NFIA: variants seen among roughly 807,000 people sequenced by gnomAD.
The protein encoded by NFIA is nuclear factor I A.
NFIA carries 8 observed loss-of-function variants against 62.8 expected under a neutral mutation model. The observed-to-expected ratio is 0.13, with a 90% CI of 0.07 to 0.23. The LOEUF (loss-of-function observed/expected upper bound fraction) is 0.23. Among genes scored for constraint, NFIA ranks in the 10% least tolerant of loss-of-function variants. The pLI is 1.00. For synonymous variants in NFIA, 235 were observed against 238.1 expected, an observed-to-expected ratio of 0.99 and a Z score of 0.12; for missense variants, 410 against 642.1, an observed-to-expected ratio of 0.64 and a Z score of 3.91.
At chr1:61,215,665 A>G (rs1231025012) in intron 2 of NFIA, among the ~76,000 whole-genome samples, 2 of 152,244 alleles carry the variant, frequency 1.3e-5, no homozygotes, top group Non-Finnish European at 2.9e-5. Context: ...CTATCAAGCT[A>G]TAATTAAATA....
intron 4 of NFIA, among the ~76,000 whole-genome samples, chr1:61,346,190 A>G (rs1662218462): frequency 6.6e-6 from 1 of 152,230 alleles, no homozygotes; most frequent in Non-Finnish European, 1.5e-5. Flanking sequence ...TCAATTACAA[A>G]TGGAGCAAAA....
At chr1:61,218,720 A>G (rs566746397) in intron 2 of NFIA, among the ~76,000 whole-genome samples, 1 of 152,206 alleles carries the variant, frequency 6.6e-6, no homozygotes, top group Non-Finnish European at 1.5e-5. Flanking sequence ...GAATCATTTC[A>G]GTGGGCGTAT....
chr1:61,415,914 A>G (rs918562831), intron 9 of NFIA, among the ~76,000 whole-genome samples: 2 of 152,136 alleles, frequency 1.3e-5, no homozygotes, highest in South Asian at 2.1e-4. Flanking sequence ...ACAATAAGAG[A>G]CTGGTAATAA....
At chr1:61,275,864 T>A (rs1285567540) in intron 2 of NFIA, among the ~76,000 whole-genome samples, 1 of 152,142 alleles carries the variant, frequency 6.6e-6, no homozygotes, top group African/African-American at 2.4e-5. Context: ...CTGTATTTTT[T>A]AATTGTTTGT....
At chr1:61,095,693 C>A (rs1212687770) in intron 2 of NFIA, among the ~76,000 whole-genome samples, 2 of 152,032 alleles carry the variant, frequency 1.3e-5, no homozygotes, top group African/African-American at 4.8e-5. Flanking sequence ...ATGATTTGTT[C>A]TTTTTTGTTT....
chr1:61,263,647 A>C (rs945802469), intron 2 of NFIA, among the ~76,000 whole-genome samples: 2 of 152,328 alleles, frequency 1.3e-5, no homozygotes, highest in South Asian at 2.1e-4. Context: ...TAACACAGAG[A>C]CACTCCATGT....
chr1:61,175,003 C>T (rs555582258), intron 2 of NFIA, among the ~76,000 whole-genome samples: 122 of 152,110 alleles, frequency 8.0e-4, no homozygotes, highest in African/African-American at 2.9e-3. Context: ...GCCTCCTCCC[C>T]AATGCCAGTG....
At chr1:61,444,563 G>T (rs1244156100) in intron 10 of NFIA, among the ~76,000 whole-genome samples, 1 of 152,140 alleles carries the variant, frequency 6.6e-6, no homozygotes, top group Non-Finnish European at 1.5e-5. Context: ...ACTTGTAAAC[G>T]GTGTTCCTTG....
chr1:61,431,194 C>T (rs1301927131), intron 10 of NFIA, among the ~76,000 whole-genome samples: 3 of 152,048 alleles, frequency 2.0e-5, no homozygotes, highest in Admixed American at 2.0e-4. Flanking sequence ...AATCTGATCC[C>T]TGAAAATGAG....
intron 2 of NFIA, among the ~76,000 whole-genome samples, chr1:61,153,147 G>A (rs888192889): frequency 6.6e-6 from 1 of 152,202 alleles, no homozygotes; most frequent in African/African-American, 2.4e-5. Flanking sequence ...TCTGTTTTTG[G>A]TGGGTTGAAT....
chr1:61,089,326 GAA>G (rs1646275784), intron 2 of NFIA, among the ~76,000 whole-genome samples: 1 of 152,150 alleles, frequency 6.6e-6, no homozygotes, highest in African/African-American at 2.4e-5. Flanking sequence ...TGAACACATT[GAA>G]AAATTGCTAT....
chr1:61,206,326 A>G (rs960107625), intron 2 of NFIA, among the ~76,000 whole-genome samples: 2 of 152,156 alleles, frequency 1.3e-5, no homozygotes, highest in African/African-American at 4.8e-5. Flanking sequence ...ATCTTGTCAG[A>G]TTGGATGCAG....
intron 2 of NFIA, among the ~76,000 whole-genome samples, chr1:61,140,557 T>C (rs1647430232): frequency 6.6e-6 from 1 of 152,100 alleles, no homozygotes; most frequent in Non-Finnish European, 1.5e-5. Flanking sequence ...CTTTACATAT[T>C]TTCTGTAGGG....
In NFIA at chr1:61,082,815, C is replaced by T; in HGVS notation, c.24C>T (p.Thr8=). 1 of 1,550,234 alleles carries T rather than the reference C, an allele frequency of 6.5e-7. No individual in the cohort carries two copies. The highest frequency in any genetic ancestry group is 1.2e-5 in the South Asian group (1 of 83,992). Residue 8 remains threonine, a synonymous_variant, in exon 1 of 11, where the codon ACC becomes ACT. Transcript: ENST00000403491. The stretch of plus-strand genomic sequence containing the variant: ...TTATGTATTCTCCGCTCTGTCTCAC[C>T]CAGGTAAGCCGCGGCGTGGATGCGG... MYSPLCL[T]QDEFHPFIEA...
chr1:61,273,629 T>C (rs959398129), intron 2 of NFIA, among the ~76,000 whole-genome samples: 10 of 152,204 alleles, frequency 6.6e-5, no homozygotes, highest in African/African-American at 2.4e-4. Flanking sequence ...TTGAACTCCT[T>C]GGCTGGGCCA....
At chr1:61,416,122 A>T (rs1030080947) in intron 9 of NFIA, among the ~76,000 whole-genome samples, 1 of 152,152 alleles carries the variant, frequency 6.6e-6, no homozygotes, top group Non-Finnish European at 1.5e-5. Flanking sequence ...ATGTGGAAGG[A>T]TAGAAACTAA....
At chr1:61,150,051 T>C (rs542023479) in intron 2 of NFIA, among the ~76,000 whole-genome samples, 37 of 152,308 alleles carry the variant, frequency 2.4e-4, no homozygotes, top group African/African-American at 8.2e-4. Flanking sequence ...TGAGAGCCTC[T>C]TCCCTCCCTA....
chr1:61,160,175 A>G (rs1194982893), intron 2 of NFIA, among the ~76,000 whole-genome samples: 1 of 152,146 alleles, frequency 6.6e-6, no homozygotes, highest in African/African-American at 2.4e-5. Flanking sequence ...CCTTTGGCCA[A>G]ATCATCTCCC....
Position 61,088,049 on chromosome 1 carries a change from G to A in NFIA, c.28-100G>A, listed in dbSNP as rs1646250281. On this transcript the variant is annotated intron_variant, in intron 1 of 10. Coordinates refer to ENST00000403491, the MANE Select transcript of NFIA (RefSeq NM_001134673.4). The surrounding 1 kb of genome is among the most constrained non-coding windows in gnomAD (Gnocchi z 4.5). ...ACAGAATGCTCTAATCAAATTTCAA[G>A]TGAAATGAGGAATTTCTTTCTTAAG... The A allele has an allele frequency of 4.9e-6, 6 of 1,233,374 alleles. No individual in the cohort carries two copies. Among genetic ancestry groups the A allele is most frequent in the Non-Finnish European group, 6.8e-6 (6 of 888,250 alleles). The allele number at this position is 1,233,374 out of a possible 1,614,324, so 76.4% of individuals were successfully genotyped here.
Sources: allele counts gnomAD v4.1 joint callset (sites outside exome capture counted in the v4.1 genomes callset), GRCh38; gene constraint gnomAD v4.1.1; non-coding constraint Gnocchi (gnomAD v3.1); transcripts MANE v1.5; gene names NCBI Gene and HGNC (gene_info 2026-07-23, HGNC 2026-07-21).